The following GPAT3 variants were observed in gnomAD, a reference collection of about 807,000 sequenced individuals.
GPAT3 encodes 1-AGP acyltransferase 9.
In GPAT3, 53 loss-of-function variants were observed where a neutral mutation model predicts 58.8. The observed-to-expected ratio is 0.90, with a 90% CI of 0.72 to 1.13. GPAT3 has a LOEUF of 1.13. Ranked by LOEUF, GPAT3 falls within the 50% of genes most tolerant of loss-of-function variation. GPAT3 has a pLI of 0.00. For synonymous variants in GPAT3, 197 were observed against 187.4 expected (o/e 1.05, Z -0.42); for missense variants, 511 against 527.6 (o/e 0.97, Z 0.31).
upstream of GPAT3, chr4:83,536,042 G>A: frequency 1.0e-6 from 1 of 985,172 alleles, no homozygotes; most frequent in Non-Finnish European, 1.2e-6. Context: ...CTCCCCCGTT[G>A]GGTGACGGAG....
intron 2 of GPAT3, among the ~76,000 whole-genome samples, chr4:83,549,889 A>G (rs1663853715): frequency 6.6e-6 from 1 of 151,610 alleles, no homozygotes; most frequent in African/African-American, 2.4e-5. Flanking sequence ...AACCTGGCTA[A>G]TTTTTGTATT....
Position 83,536,361 on chromosome 4 carries a change from C to A in GPAT3, c.-262C>A. ...CACTGGCTCGCGCTACCCAGGTCTCCGCACGCCGCGGTGGCTTCAGCCCAG... is the reference window on the plus strand; with the variant it reads ...CACTGGCTCGCGCTACCCAGGTCTCAGCACGCCGCGGTGGCTTCAGCCCAG... On this transcript the variant is annotated 5_prime_UTR_variant, in exon 1 of 12. Coordinates refer to ENST00000264409, the MANE Select transcript of GPAT3 (RefSeq NM_032717.5). 1 of 1,219,966 alleles carries A rather than the reference C, an allele frequency of 8.2e-7. No homozygotes were observed. Among genetic ancestry groups the A allele is most frequent in the Non-Finnish European group, 1.0e-6 (1 of 976,020 alleles). 75.6% of individuals were successfully genotyped at this position (1,219,966 alleles called of 1,614,324 possible). A position where few individuals can be genotyped will look rare whatever the true frequency, so the allele number is the denominator to read the frequency against.
intron 2 of GPAT3, among the ~76,000 whole-genome samples, chr4:83,578,943 TTTTCTTTTC>T (rs757607478): frequency 0.025 from 238 of 9,336 alleles, 11 homozygotes; most frequent in African/African-American, 0.028. Context: ...CTTTCTTTTC[TTTTCTTTTC>T]TTTCTTTCTT....
chr4:83,554,750 G>T lies in GPAT3; in HGVS notation c.208+10148G>T, dbSNP rs564577694. On this transcript the variant is annotated intron_variant, in intron 2 of 11. Coordinates refer to ENST00000264409, the MANE Select transcript of GPAT3 (RefSeq NM_032717.5). ...GTCCATACTTTCTGATTCTCCTCTT[G>T]ATGTTTAAGGTGACTCCTCTTCTAC... is the stretch of plus-strand genomic sequence containing the variant. Among the ~76,000 whole-genome samples the T allele has an allele frequency of 4.0e-5, 6 of 149,446 alleles. No individual in the cohort carries two copies. In the South Asian group the frequency reaches 1.3e-3, roughly 32 times the overall value.
intron 2 of GPAT3, among the ~76,000 whole-genome samples, chr4:83,557,909 G>T (rs190688239): frequency 1.3e-5 from 2 of 152,250 alleles, no homozygotes; most frequent in East Asian, 3.9e-4. Flanking sequence ...TAGGAAACCG[G>T]AATAGAATTT....
rs1316570764 is a variant in GPAT3, at chr4:83,536,430, G to A, written c.-193G>A. 2.9e-6 allele frequency: 4 copies of A among 1,386,520 alleles called. No individual in the cohort carries two copies. Among genetic ancestry groups the A allele is most frequent in the African/African-American group, 1.5e-5 (1 of 68,614 alleles). The allele number at this position is 1,386,520 out of a possible 1,614,324, so 85.9% of individuals were successfully genotyped here. ...GAAAGAGTTAACTGGCAGGGGCGAGGAGGAGCCCAGGGAGGAAGGAAGGAT... is the reference window on the plus strand; with the variant it reads ...GAAAGAGTTAACTGGCAGGGGCGAGAAGGAGCCCAGGGAGGAAGGAAGGAT... On this transcript the variant is annotated 5_prime_UTR_variant, in exon 1 of 12. Transcript: ENST00000264409.
At chr4:83,540,200 C>CT (rs1560598944) in intron 1 of GPAT3, among the ~76,000 whole-genome samples, 2 of 145,562 alleles carry the variant, frequency 1.4e-5, no homozygotes, top group African/African-American at 5.0e-5. Flanking sequence ...AAAGCCATTT[C>CT]TTTTTGGTGA....
chr4:83,578,964 C>CTTTCT (rs1725939920), intron 2 of GPAT3, among the ~76,000 whole-genome samples: 2 of 90,328 alleles, frequency 2.2e-5, no homozygotes, highest in African/African-American at 9.5e-5. Context: ...TTCTTTCTTT[C>CTTTCT]TTTCTTTCTT....
At chr4:83,584,172 A>G (rs1386135624) in intron 3 of GPAT3, among the ~76,000 whole-genome samples, 1 of 152,178 alleles carries the variant, frequency 6.6e-6, no homozygotes, top group Admixed American at 6.5e-5. Flanking sequence ...TCCCTTATCT[A>G]CTAAACAAAT....
At chr4:83,552,296 C>G (rs909773632) in intron 2 of GPAT3, among the ~76,000 whole-genome samples, 2 of 152,174 alleles carry the variant, frequency 1.3e-5, no homozygotes, top group Non-Finnish European at 2.9e-5. Context: ...CACTCCCATT[C>G]GTGACAACCA....
At chr4:83,585,716 G>T (rs150756164) in intron 3 of GPAT3, among the ~76,000 whole-genome samples, 1 of 151,600 alleles carries the variant, frequency 6.6e-6, no homozygotes, top group African/African-American at 2.4e-5. Flanking sequence ...GGGTTCAAGC[G>T]GTTCTCGTTA....
Position 83,538,942 on chromosome 4 carries a change from A to T in GPAT3, c.141+2179A>T, listed in dbSNP as rs114824572. Among the ~76,000 whole-genome samples, 1,196 of 152,236 alleles carry T rather than the reference A, an allele frequency of 7.9e-3. 12 individuals are homozygous for T. The highest frequency in any genetic ancestry group is 0.026 in the African/African-American group (1,092 of 41,530). On this transcript the variant is annotated intron_variant, in intron 1 of 11. Coordinates refer to ENST00000264409, the MANE Select transcript of GPAT3 (RefSeq NM_032717.5). ...TGATATATGTGGAATTTGAATACAG[A>T]TTCATTGTGTGAGCCAGCTCTGATT... is the stretch of plus-strand genomic sequence containing the variant.
At chr4:83,561,508 T>C (rs999773227) in intron 2 of GPAT3, among the ~76,000 whole-genome samples, 7 of 152,140 alleles carry the variant, frequency 4.6e-5, no homozygotes, top group Admixed American at 3.9e-4. Context: ...AACATCCTCA[T>C]TGTCAGTGAC....
At chr4:83,544,259 T>A (rs912664771) in intron 1 of GPAT3, among the ~76,000 whole-genome samples, 1 of 152,202 alleles carries the variant, frequency 6.6e-6, no homozygotes, top group African/African-American at 2.4e-5. Flanking sequence ...CACAGCCTTT[T>A]CAAGGAGTAA....
intron 6 of GPAT3, among the ~76,000 whole-genome samples, chr4:83,594,542 A>G (rs1406327368): frequency 1.3e-5 from 2 of 152,332 alleles, no homozygotes; most frequent in Non-Finnish European, 2.9e-5. Flanking sequence ...GATGGGTTTG[A>G]AAAGGTATTT....
At chr4:83,537,823 G>A (rs921564147) in intron 1 of GPAT3, among the ~76,000 whole-genome samples, 1 of 151,984 alleles carries the variant, frequency 6.6e-6, no homozygotes, top group African/African-American at 2.4e-5. Flanking sequence ...CCTGGATACA[G>A]GTTTGCTTAG....
chr4:83,577,183 T>G (rs1399795936), intron 2 of GPAT3, among the ~76,000 whole-genome samples: 1 of 152,176 alleles, frequency 6.6e-6, no homozygotes, highest in East Asian at 1.9e-4. Context: ...TAGCTCATAC[T>G]TTTAAGAAAT....
chr4:83,579,045 T>TCTTTCCTTCCTTCCTTCCTTCTTTCC (rs1725971648), intron 2 of GPAT3, among the ~76,000 whole-genome samples: 1 of 40,670 alleles, frequency 2.5e-5, no homozygotes, highest in Non-Finnish European at 4.5e-5. Context: ...TTTCTTTCTT[T>TCTTTCCTTCCTTCCTTCCTTCTTTCC]CTTTCTTTCT....
intron 6 of GPAT3, among the ~76,000 whole-genome samples, chr4:83,591,847 A>G (rs1415207445): frequency 1.3e-5 from 2 of 152,174 alleles, no homozygotes; most frequent in Admixed American, 6.5e-5. Context: ...TGTAACTTAT[A>G]ATGAACAGAA....
Sources: allele counts gnomAD v4.1 joint callset (sites outside exome capture counted in the v4.1 genomes callset), GRCh38; gene constraint gnomAD v4.1.1; transcripts MANE v1.5; gene names NCBI Gene and HGNC (gene_info 2026-07-23, HGNC 2026-07-21).